The following SMARCC1 variants were observed in gnomAD, a reference collection of about 807,000 sequenced individuals.
SMARCC1 encodes SWI/SNF related BAF chromatin remodeling complex subunit C1.
A neutral mutation model predicts 147.4 loss-of-function variants in SMARCC1; 43 were observed. The ratio of observed to expected loss-of-function variants is 0.29; its 90% CI spans 0.23 to 0.38. SMARCC1 has a LOEUF of 0.38. Among genes scored for constraint, SMARCC1 ranks in the 10% least tolerant of loss-of-function variants. SMARCC1 has a pLI of 1.00. For synonymous variants in SMARCC1, 495 were observed against 484.4 expected (o/e 1.02, Z -0.29); for missense variants, 1,119 against 1,381.1 (o/e 0.81, Z 3.01).
chr3:47,777,311 G>A (rs559537170), intron 1 of SMARCC1, among the ~76,000 whole-genome samples: 8 of 149,416 alleles, frequency 5.4e-5, no homozygotes, highest in African/African-American at 1.5e-4. Flanking sequence ...TCAAACTCCC[G>A]ACCTCAGGTG....
At chr3:47,720,062 T>C (rs780765429) in intron 7 of SMARCC1, among the ~76,000 whole-genome samples, 1 of 149,530 alleles carries the variant, frequency 6.7e-6, no homozygotes, top group African/African-American at 2.5e-5. Flanking sequence ...AAGAAACAAA[T>C]ATAAATTAGC....
intron 25 of SMARCC1, among the ~76,000 whole-genome samples, chr3:47,618,982 A>C (rs1327013034): frequency 6.6e-6 from 1 of 152,042 alleles, no homozygotes; most frequent in Non-Finnish European, 1.5e-5. Flanking sequence ...CCAACAATCC[A>C]CTCCACTATA....
chr3:47,624,638 G>C (rs1179447215), intron 24 of SMARCC1, among the ~76,000 whole-genome samples: 43 of 152,122 alleles, frequency 2.8e-4, no homozygotes, highest in Admixed American at 2.7e-3. Context: ...GTGCTACTGA[G>C]GTATGTGTTC....
chr3:47,629,468 T>C (rs537246935), intron 24 of SMARCC1, among the ~76,000 whole-genome samples: 2 of 152,192 alleles, frequency 1.3e-5, no homozygotes, highest in African/African-American at 4.8e-5. Context: ...CTGTGTCCCC[T>C]TACCTTGAAT....
intron 14 of SMARCC1, among the ~76,000 whole-genome samples, chr3:47,681,159 A>T (rs2033639851): frequency 6.6e-6 from 1 of 152,178 alleles, no homozygotes; most frequent in Non-Finnish European, 1.5e-5. Flanking sequence ...AATGGTGACA[A>T]AAACAAAGGA....
intron 2 of SMARCC1, among the ~76,000 whole-genome samples, chr3:47,747,561 T>TG (rs2034580312): frequency 2.0e-5 from 3 of 148,794 alleles, no homozygotes; most frequent in Non-Finnish European, 4.5e-5. Context: ...TGCATGAGCA[T>TG]GGGAAGTCAA....
intron 24 of SMARCC1, among the ~76,000 whole-genome samples, chr3:47,629,536 G>C (rs987355288): frequency 6.6e-6 from 1 of 152,160 alleles, no homozygotes; most frequent in African/African-American, 2.4e-5. Context: ...TCAGTTTGGG[G>C]TTCCAAGTCA....
intron 26 of SMARCC1, among the ~76,000 whole-genome samples, chr3:47,606,967 G>C (rs2032486031): frequency 6.6e-6 from 1 of 151,124 alleles, no homozygotes; most frequent in South Asian, 2.1e-4. Context: ...CTCAAGTCTT[G>C]GCCTCGCAAA....
chr3:47,761,364 T>G (rs1241546233), intron 2 of SMARCC1, among the ~76,000 whole-genome samples: 1 of 152,008 alleles, frequency 6.6e-6, no homozygotes, highest in Admixed American at 6.6e-5. Flanking sequence ...TATAACTAAA[T>G]AAAATATGTG....
At chr3:47,755,210 AAATT>A (rs1317316714) in intron 2 of SMARCC1, among the ~76,000 whole-genome samples, 1 of 151,944 alleles carries the variant, frequency 6.6e-6, no homozygotes, top group African/African-American at 2.4e-5. Context: ...CTCAAAAACT[AAATT>A]AATTAAGGGC....
chr3:47,774,851 G>A (rs2034955921), intron 1 of SMARCC1, among the ~76,000 whole-genome samples: 1 of 151,678 alleles, frequency 6.6e-6, no homozygotes, highest in Admixed American at 6.6e-5. Flanking sequence ...CTGTCTCCCA[G>A]GATGGAATAC....
chr3:47,748,454 TC>T (rs1331118866), intron 2 of SMARCC1, among the ~76,000 whole-genome samples: 1 of 152,112 alleles, frequency 6.6e-6, no homozygotes, highest in Admixed American at 6.6e-5. Flanking sequence ...AAACTCTTGA[TC>T]TCAAGTGATC....
chr3:47,610,435 T>G (rs1397144685), intron 25 of SMARCC1, 108 bp from the exon 26 acceptor site: 14 of 1,131,594 alleles, frequency 1.2e-5, no homozygotes. Context: ...CCCATCACAC[T>G]GACATCACCA....
chr3:47,672,387 T>C lies in SMARCC1; in HGVS notation c.1840-1670A>G, dbSNP rs369967239. On this transcript the variant is annotated intron_variant, in intron 18 of 27. Coordinates refer to ENST00000254480, the MANE Select transcript of SMARCC1 (RefSeq NM_003074.4). ...CGCCCGGCTAATTTTTTTGTATTTT[T>C]AGTAGAGACAGGGTTTCACCGTGTT... 2.0e-5 allele frequency among the ~76,000 whole-genome samples: 3 copies of C among 152,196 alleles called. No individual in the cohort carries two copies. The East Asian group carries it at 5.8e-4, about 29-fold the overall frequency.
chr3:47,627,609 T>A (rs978334839), intron 24 of SMARCC1, among the ~76,000 whole-genome samples: 4 of 152,120 alleles, frequency 2.6e-5, no homozygotes. Flanking sequence ...GACCTCAGGG[T>A]AAAGAGCTCG....
intron 2 of SMARCC1, among the ~76,000 whole-genome samples, chr3:47,764,897 A>T (rs1469344995): frequency 6.6e-6 from 1 of 152,156 alleles, no homozygotes; most frequent in Non-Finnish European, 1.5e-5. Context: ...AAATTCAAAA[A>T]CAAGCAAAAC....
At chr3:47,642,744 A>G (rs1241056254) in intron 21 of SMARCC1, among the ~76,000 whole-genome samples, 8 of 152,022 alleles carry the variant, frequency 5.3e-5, no homozygotes, top group African/African-American at 7.3e-5. Context: ...ATGCTTTGGG[A>G]AAAAAACCTG....
intron 17 of SMARCC1, among the ~76,000 whole-genome samples, chr3:47,676,360 A>G (rs573728915): frequency 3.3e-5 from 5 of 152,294 alleles, no homozygotes; most frequent in Admixed American, 3.3e-4. Context: ...ACAGAAGGAT[A>G]ATTTACTTTT....
At chr3:47,643,294 T>C (rs2033073212) in intron 21 of SMARCC1, among the ~76,000 whole-genome samples, 6 of 152,182 alleles carry the variant, frequency 3.9e-5, no homozygotes, top group African/African-American at 1.4e-4. Context: ...TGAGTAGCAA[T>C]GCATCTAAGG....
Sources: gnomAD v4.1 joint callset for allele counts (sites outside exome capture counted in the v4.1 genomes callset) on GRCh38, gnomAD v4.1.1 for gene constraint, MANE v1.5 for transcripts, NCBI Gene and HGNC (gene_info 2026-07-23, HGNC 2026-07-21) for gene names.